The following BCL2 variants were observed in gnomAD, a reference collection of about 807,000 sequenced individuals.
BCL2 encodes apoptosis regulator Bcl-2.
A neutral mutation model predicts 14.2 loss-of-function variants in BCL2; 1 was observed. The observed-to-expected ratio is 0.07, with a 90% CI of 0.02 to 0.33. The LOEUF is 0.33. Ranked by LOEUF, BCL2 falls within the 10% of genes least tolerant of loss-of-function variation. The probability of loss-of-function intolerance (pLI) is 0.99; values close to 1 mark genes in which losing one functional copy is unlikely to be tolerated. For missense variants in BCL2, 247 were observed against 305.9 expected, an observed-to-expected ratio of 0.81 and a Z score of 1.44; for synonymous variants, 151 against 137.2, an observed-to-expected ratio of 1.10 and a Z score of -0.70.
intron 2 of BCL2, among the ~76,000 whole-genome samples, chr18:63,184,031 C>T (rs568831140): frequency 2.6e-4 from 40 of 152,252 alleles, no homozygotes; most frequent in Non-Finnish European, 4.9e-4. Context: ...AAAAAGGCCC[C>T]GCAAAGAAAC....
intron 2 of BCL2, among the ~76,000 whole-genome samples, chr18:63,271,394 G>A (rs1911998551): frequency 6.6e-6 from 1 of 152,174 alleles, no homozygotes; most frequent in South Asian, 2.1e-4. Context: ...GTAAAGAGCA[G>A]TTTGCAGTGG....
chr18:63,272,338 G>A (rs4987740), intron 2 of BCL2, among the ~76,000 whole-genome samples: 1 of 152,128 alleles, frequency 6.6e-6, no homozygotes, highest in African/African-American at 2.4e-5. Flanking sequence ...CATTACAGGA[G>A]GTATGTTGAA....
chr18:63,171,797 A>G (rs1915226863), intron 2 of BCL2, among the ~76,000 whole-genome samples: 1 of 152,226 alleles, frequency 6.6e-6, no homozygotes, highest in African/African-American at 2.4e-5. Context: ...TGACAGAGCA[A>G]GACCTTGTCT....
intron 2 of BCL2, among the ~76,000 whole-genome samples, chr18:63,281,899 T>A (rs1912332399): frequency 6.6e-6 from 1 of 152,222 alleles, no homozygotes; most frequent in Non-Finnish European, 1.5e-5. Context: ...TTTGTGTTGT[T>A]GCTGGTAGTC....
Position 63,238,772 on chromosome 18 carries a change from C to T in BCL2, c.585+79310G>A, listed in dbSNP as rs533987123. ...AATGCCTTGAAATGTGTTCTTCCTA[C>T]GCAGAGGGCTGGGTTCTCCTCTTTG... On this transcript the variant is annotated intron_variant, in intron 2 of 2. Transcript: ENST00000333681. 6.6e-5 allele frequency among the ~76,000 whole-genome samples: 10 copies of T among 152,194 alleles called. No individual in the cohort carries two copies. In the South Asian group the frequency reaches 1.2e-3, roughly 19 times the overall value.
At chr18:63,307,307 G>C (rs918788735) in intron 2 of BCL2, among the ~76,000 whole-genome samples, 3 of 152,084 alleles carry the variant, frequency 2.0e-5, no homozygotes, top group Non-Finnish European at 4.4e-5. Flanking sequence ...TAAGTATTCC[G>C]TACAAAAGGT....
intron 2 of BCL2, among the ~76,000 whole-genome samples, chr18:63,281,205 G>A (rs990804525): frequency 2.6e-5 from 4 of 152,156 alleles, no homozygotes; most frequent in Non-Finnish European, 5.9e-5. Context: ...AACAGATCCT[G>A]AGTTTCTGTC....
At chr18:63,171,676 A>C (rs746062784) in intron 2 of BCL2, among the ~76,000 whole-genome samples, 1 of 152,228 alleles carries the variant, frequency 6.6e-6, no homozygotes, top group Admixed American at 6.5e-5. Flanking sequence ...AAGCTGTAAG[A>C]GATAAAAATA....
Position 63,241,675 on chromosome 18 carries a change from C to A in BCL2, c.585+76407G>T, listed in dbSNP as rs4987759. On this transcript the variant is annotated intron_variant, in intron 2 of 2. Coordinates refer to ENST00000333681, the MANE Select transcript of BCL2 (RefSeq NM_000633.3). ...GAAGATACTCCTTTTTCTTGATAAC[C>A]CTCTGGAAAATATCCAGCTAGAAAG... Among the ~76,000 whole-genome samples, 1,442 of 152,224 alleles carry A rather than the reference C, an allele frequency of 9.5e-3. 31 individuals carry two copies. Among genetic ancestry groups the A allele is most frequent in the African/African-American group, 0.033 (1,386 of 41,512 alleles).
chr18:63,249,150 T>C (rs1911233183), intron 2 of BCL2, among the ~76,000 whole-genome samples: 1 of 152,204 alleles, frequency 6.6e-6, no homozygotes, highest in Admixed American at 6.5e-5. Context: ...TTTTTTCAAT[T>C]AACATCTATT....
At chr18:63,170,363 G>A (rs893065811) in intron 2 of BCL2, among the ~76,000 whole-genome samples, 1 of 152,132 alleles carries the variant, frequency 6.6e-6, no homozygotes, top group South Asian at 2.1e-4. Context: ...AATGAGCTTG[G>A]AATGGTGCCT....
chr18:63,300,886 C>T (rs1912944658), intron 2 of BCL2, among the ~76,000 whole-genome samples: 1 of 152,128 alleles, frequency 6.6e-6, no homozygotes, highest in Admixed American at 6.5e-5. Context: ...GAATAATTTA[C>T]AGGCCTCCAT....
intron 2 of BCL2, among the ~76,000 whole-genome samples, chr18:63,229,284 T>C (rs1423943862): frequency 6.6e-6 from 1 of 152,196 alleles, no homozygotes; most frequent in Non-Finnish European, 1.5e-5. Flanking sequence ...AAAATTGAGG[T>C]ATTCAATGAA....
chr18:63,222,802 C>A (rs1176750396), intron 2 of BCL2, among the ~76,000 whole-genome samples: 2 of 152,084 alleles, frequency 1.3e-5, no homozygotes, highest in Non-Finnish European at 1.5e-5. Flanking sequence ...ACCACCAGGA[C>A]AATAGGAGAG....
chr18:63,303,559 G>T (rs1913029248), intron 2 of BCL2, among the ~76,000 whole-genome samples: 1 of 152,094 alleles, frequency 6.6e-6, no homozygotes, highest in African/African-American at 2.4e-5. Context: ...AGTTCCAGAG[G>T]ACATGAACAT....
intron 2 of BCL2, among the ~76,000 whole-genome samples, chr18:63,143,911 G>A (rs1215727706): frequency 6.6e-6 from 1 of 152,130 alleles, no homozygotes; most frequent in Non-Finnish European, 1.5e-5. Context: ...TTGACTCCAT[G>A]ACAATGAGCT....
intron 2 of BCL2, among the ~76,000 whole-genome samples, chr18:63,230,750 A>C (rs1421700677): frequency 6.6e-6 from 1 of 152,116 alleles, no homozygotes; most frequent in Non-Finnish European, 1.5e-5. Flanking sequence ...ATATGTTACC[A>C]AAGTTGACAC....
At chr18:63,284,652 A>G (rs577018772) in intron 2 of BCL2, among the ~76,000 whole-genome samples, 1 of 152,356 alleles carries the variant, frequency 6.6e-6, no homozygotes, top group African/African-American at 2.4e-5. Flanking sequence ...TAAATCCAAA[A>G]AAAGCTACCT....
At chr18:63,263,041 G>A (rs1911706148) in intron 2 of BCL2, among the ~76,000 whole-genome samples, 1 of 152,196 alleles carries the variant, frequency 6.6e-6, no homozygotes, top group South Asian at 2.1e-4. Context: ...AAACAAGAGA[G>A]GAGATAACTG....
Sources: allele counts gnomAD v4.1 joint callset (sites outside exome capture counted in the v4.1 genomes callset), GRCh38; gene constraint gnomAD v4.1.1; transcripts MANE v1.5; gene names NCBI Gene and HGNC (gene_info 2026-07-23, HGNC 2026-07-21).